The following HS6ST3 variants were observed in gnomAD, a reference collection of about 807,000 sequenced individuals.
HS6ST3 encodes the protein heparan sulfate 6-O-sulfotransferase 3, also known as heparan-sulfate 6-O-sulfotransferase 3.
Under a neutral mutation model 36.7 loss-of-function variants are expected in HS6ST3, and 12 were observed. The observed-to-expected ratio is 0.33, with a 90% CI of 0.21 to 0.53. The LOEUF (loss-of-function observed/expected upper bound fraction) is 0.53, where lower values mean the gene tolerates loss of function less well. HS6ST3 is among the 20% of genes least tolerant of loss of function. The pLI is 0.95. For synonymous variants in HS6ST3, 240 were observed against 257.5 expected (o/e 0.93, Z 0.65); for missense variants, 584 against 640.9 (o/e 0.91, Z 0.96).
Position 96,664,589 on chromosome 13 carries a change from CTCT to C in HS6ST3, c.708-167900_708-167898del, listed in dbSNP as rs2056657371. Among the ~76,000 whole-genome samples the C allele has an allele frequency of 2.0e-5, 3 of 152,160 alleles. No individual in the cohort carries two copies. In the South Asian group the frequency reaches 6.2e-4, roughly 32 times the overall value. ...AGGTCTTCAAAACCCCATCTTCCTC[CTCT>C]CACTCACTCTGACATGTGAATTTCA... On this transcript the variant is annotated intron_variant, in intron 1 of 1. Coordinates refer to ENST00000376705, the MANE Select transcript of HS6ST3 (RefSeq NM_153456.4).
At chr13:96,112,444 T>G (rs574947582) in intron 1 of HS6ST3, among the ~76,000 whole-genome samples, 1 of 151,094 alleles carries the variant, frequency 6.6e-6, no homozygotes, top group African/African-American at 2.4e-5. Context: ...ATTTAAATGG[T>G]GAAACAGGTC....
intron 1 of HS6ST3, among the ~76,000 whole-genome samples, chr13:96,181,248 C>CT (rs1211472147): frequency 6.6e-6 from 1 of 151,922 alleles, no homozygotes; most frequent in Non-Finnish European, 1.5e-5. Flanking sequence ...TATTACAGAC[C>CT]TTTTTTTCCC....
chr13:96,454,100 G>T (rs999304874), intron 1 of HS6ST3, among the ~76,000 whole-genome samples: 3 of 152,088 alleles, frequency 2.0e-5, no homozygotes, highest in Non-Finnish European at 1.5e-5. Context: ...TGAGTCCAGG[G>T]TTTCCGCTGT....
intron 1 of HS6ST3, among the ~76,000 whole-genome samples, chr13:96,566,208 G>T (rs1257104942): frequency 6.6e-6 from 1 of 151,856 alleles, no homozygotes; most frequent in Non-Finnish European, 1.5e-5. Flanking sequence ...TAATATTAGA[G>T]AATCAATACA....
intron 1 of HS6ST3, among the ~76,000 whole-genome samples, chr13:96,195,861 G>T (rs141166812): frequency 6.6e-6 from 1 of 152,230 alleles, no homozygotes; most frequent in East Asian, 1.9e-4. Flanking sequence ...AAGTTATTAT[G>T]TGAGTAAATG....
intron 1 of HS6ST3, among the ~76,000 whole-genome samples, chr13:96,568,226 A>G (rs75258801): frequency 4.5e-4 from 69 of 152,302 alleles, no homozygotes; most frequent in African/African-American, 1.6e-3. Context: ...ATTCTGTGAT[A>G]TATTCATACT....
intron 1 of HS6ST3, among the ~76,000 whole-genome samples, chr13:96,580,193 CAT>C (rs3051282): frequency 0.049 from 6,907 of 140,104 alleles, 159 homozygotes; most frequent in East Asian, 0.086. Flanking sequence ...CCCATCCAGA[CAT>C]ATATATATAT....
At chr13:96,497,241 G>A (rs549850915) in intron 1 of HS6ST3, among the ~76,000 whole-genome samples, 10 of 152,070 alleles carry the variant, frequency 6.6e-5, no homozygotes, top group Admixed American at 2.0e-4. Flanking sequence ...CTCAGGCCTC[G>A]CCGTCTAGTG....
chr13:96,697,890 G>A (rs1429557554), intron 1 of HS6ST3, among the ~76,000 whole-genome samples: 10 of 152,204 alleles, frequency 6.6e-5, no homozygotes, highest in Middle Eastern at 6.8e-3. Context: ...TAAACTAAAA[G>A]TATAAGGGAA....
chr13:96,540,860 A>G (rs2056174801), intron 1 of HS6ST3, among the ~76,000 whole-genome samples: 1 of 152,156 alleles, frequency 6.6e-6, no homozygotes. Flanking sequence ...AGCTGGCAGC[A>G]CCAGAATGGA....
In HS6ST3 at chr13:96,130,875, C is replaced by A. The variant is rs201793193; in HGVS notation, c.707+39306C>A. ...TTTCAGATTTTCAACCTCTTCTTCTCTGATGGCTCATTCCTTGCAGTTATT... is the reference window on the plus strand; with the variant it reads ...TTTCAGATTTTCAACCTCTTCTTCTATGATGGCTCATTCCTTGCAGTTATT... On this transcript the variant is annotated intron_variant, in intron 1 of 1. Transcript: ENST00000376705. Among the ~76,000 whole-genome samples the A allele has an allele frequency of 2.6e-5, 4 of 150,970 alleles. No homozygotes were observed. The East Asian group carries it at 7.9e-4, about 30-fold the overall frequency.
chr13:96,729,283 A>G (rs1276555270), intron 1 of HS6ST3, among the ~76,000 whole-genome samples: 1 of 152,062 alleles, frequency 6.6e-6, no homozygotes, highest in Non-Finnish European at 1.5e-5. Flanking sequence ...TACTTCAAAA[A>G]GTAGTGCTGT....
At chr13:96,476,362 C>CTTTCT (rs1313962485) in intron 1 of HS6ST3, among the ~76,000 whole-genome samples, 9 of 151,842 alleles carry the variant, frequency 5.9e-5, no homozygotes, top group Non-Finnish European at 1.3e-4. Flanking sequence ...TTTTCTTTTT[C>CTTTCT]TTTCTTTTCT....
At chr13:96,478,421 G>A (rs961493260) in intron 1 of HS6ST3, among the ~76,000 whole-genome samples, 19 of 152,112 alleles carry the variant, frequency 1.2e-4, no homozygotes, top group Non-Finnish European at 2.4e-4. Flanking sequence ...AAAACTTAAT[G>A]TACATAGTGA....
At chr13:96,144,995 A>G (rs1206828964) in intron 1 of HS6ST3, among the ~76,000 whole-genome samples, 3 of 151,670 alleles carry the variant, frequency 2.0e-5, no homozygotes, top group East Asian at 1.9e-4. Context: ...TTTTATGGCT[A>G]CATAGTATTC....
rs1339073553 is a variant in HS6ST3 at position 96,835,452 on chromosome 13, A to T, written c.*2254A>T. 1.3e-5 allele frequency: 2 copies of T among 152,046 alleles called. No individual in the cohort carries two copies. The highest frequency in any genetic ancestry group is 2.9e-5 in the Non-Finnish European group (2 of 68,026). 9.4% of individuals were successfully genotyped at this position (152,046 alleles called of 1,614,324 possible). ...ACAAAATATTTCTCCATTTCCAGTG[A>T]TTTGTTCCTAAGGTAGAAGGGAAGG... On this transcript the variant is annotated 3_prime_UTR_variant, in exon 2 of 2. Coordinates refer to ENST00000376705, the MANE Select transcript of HS6ST3 (RefSeq NM_153456.4).
chr13:96,754,312 T>C (rs536501348), intron 1 of HS6ST3, among the ~76,000 whole-genome samples: 2 of 152,330 alleles, frequency 1.3e-5, no homozygotes, highest in South Asian at 2.1e-4. Context: ...TTTAAAGATA[T>C]CTTCTACCAA....
rs186200674 is a variant in HS6ST3, at chr13:96,657,961, A to G, written c.708-174529A>G. Among the ~76,000 whole-genome samples the G allele has an allele frequency of 4.3e-4, 66 of 152,278 alleles. No homozygotes were observed. The East Asian group carries it at 0.012, about 28-fold the overall frequency. On this transcript the variant is annotated intron_variant, in intron 1 of 1. Transcript: ENST00000376705. ...AAACTGAAGCAACACTTGACTTGGC[A>G]GTTACATGTAAGTGTCACATCAAAA...
At chr13:96,332,452 C>T (rs551561763) in intron 1 of HS6ST3, among the ~76,000 whole-genome samples, 2 of 152,198 alleles carry the variant, frequency 1.3e-5, no homozygotes, top group South Asian at 2.1e-4. Flanking sequence ...TTGAATTTGC[C>T]TCCTGAAAAT....
Sources: allele counts gnomAD v4.1 joint callset (sites outside exome capture counted in the v4.1 genomes callset), GRCh38; gene constraint gnomAD v4.1.1; transcripts MANE v1.5; gene names NCBI Gene and HGNC (gene_info 2026-07-23, HGNC 2026-07-21).